The following FRMD6 variants were observed in gnomAD, a reference collection of about 807,000 sequenced individuals.
The protein encoded by FRMD6 is FERM domain-containing protein 6.
Under a neutral mutation model 73.2 loss-of-function variants are expected in FRMD6, and 37 were observed. That is an observed-to-expected ratio of 0.51 (90% CI 0.39 to 0.66). FRMD6 has a LOEUF of 0.66. FRMD6 is among the 30% of genes least tolerant of loss of function. The pLI, the probability that FRMD6 is intolerant of heterozygous loss-of-function variation, is 0.00. For missense variants in FRMD6, 714 were observed against 780.5 expected (o/e 0.91, Z 1.02); for synonymous variants, 273 against 282.2 (o/e 0.97, Z 0.33).
chr14:51,612,170 A>G (rs554752067), intron 2 of FRMD6, among the ~76,000 whole-genome samples: 1 of 152,336 alleles, frequency 6.6e-6, no homozygotes, highest in South Asian at 2.1e-4. Flanking sequence ...TAATCCTTTC[A>G]TATGTCTAAT....
chr14:51,600,469 CT>C (rs1206697839), intron 2 of FRMD6, among the ~76,000 whole-genome samples: 1 of 152,226 alleles, frequency 6.6e-6, no homozygotes, highest in African/African-American at 2.4e-5. Context: ...GAAGAGTTCA[CT>C]GTGAATATTT....
chr14:51,402,817 T>C, the FRMD6 span, among the ~76,000 whole-genome samples: 1 of 152,092 alleles, frequency 6.6e-6, no homozygotes, highest in Non-Finnish European at 1.5e-5. Context: ...TTTTTGTATT[T>C]TTAGTAGAGA....
chr14:51,506,945 T>C (rs919824713), intron 1 of FRMD6, among the ~76,000 whole-genome samples: 4 of 152,180 alleles, frequency 2.6e-5, no homozygotes. Flanking sequence ...TATACTATGA[T>C]CTCACTTAAA....
At chr14:51,469,618 G>GAA in the FRMD6 span, among the ~76,000 whole-genome samples, 91 of 96,758 alleles carry the variant, frequency 9.4e-4, no homozygotes, top group African/African-American at 2.9e-3. Context: ...ATTTCAAAAA[G>GAA]AAAAAAAAAA....
At chr14:51,524,117 A>G (rs1004777769) in intron 1 of FRMD6, among the ~76,000 whole-genome samples, 14 of 152,194 alleles carry the variant, frequency 9.2e-5, no homozygotes, top group Admixed American at 5.9e-4. Context: ...AAATATACAC[A>G]TAGATGCATG....
At chr14:51,523,455 T>A (rs2140302923) in intron 1 of FRMD6, among the ~76,000 whole-genome samples, 1 of 152,250 alleles carries the variant, frequency 6.6e-6, no homozygotes, top group East Asian at 1.9e-4. Context: ...TGAATAGAGC[T>A]GGAAAGCAAT....
intron 1 of FRMD6, among the ~76,000 whole-genome samples, chr14:51,682,421 A>G (rs1423803242): frequency 6.6e-6 from 1 of 152,106 alleles, no homozygotes; most frequent in East Asian, 1.9e-4. Flanking sequence ...GATAGGAAAC[A>G]GTGAATTAAT....
chr14:51,536,431 T>C (rs1206141243), intron 1 of FRMD6, among the ~76,000 whole-genome samples: 1 of 151,528 alleles, frequency 6.6e-6, no homozygotes, highest in East Asian at 2.0e-4. Context: ...TATTTTATTT[T>C]TTTTAGAGGA....
intron 5 of FRMD6, among the ~76,000 whole-genome samples, chr14:51,703,001 G>A (rs1462264883): frequency 2.6e-5 from 4 of 152,024 alleles, no homozygotes; most frequent in Admixed American, 2.6e-4. Context: ...GTGGGTCAGA[G>A]GCAGGAACTC....
intron 1 of FRMD6, among the ~76,000 whole-genome samples, chr14:51,499,034 A>T (rs1381072501): frequency 6.6e-6 from 1 of 152,230 alleles, no homozygotes; most frequent in Non-Finnish European, 1.5e-5. Flanking sequence ...AACAAGAAAC[A>T]GAGTTGAGCA....
At chr14:51,411,615 A>G in the FRMD6 span, among the ~76,000 whole-genome samples, 14 of 152,280 alleles carry the variant, frequency 9.2e-5, no homozygotes, top group South Asian at 2.9e-3. Flanking sequence ...GCATGCATCA[A>G]TCTATGCACC....
chr14:51,629,100 TTTC>T (rs1476505705), intron 2 of FRMD6, among the ~76,000 whole-genome samples: 1 of 152,100 alleles, frequency 6.6e-6, no homozygotes, highest in South Asian at 2.1e-4. Context: ...ATGGTCTCGA[TTTC>T]CTCCTGATCT....
intron 2 of FRMD6, among the ~76,000 whole-genome samples, chr14:51,615,390 G>T (rs1355437021): frequency 6.6e-6 from 1 of 152,170 alleles, no homozygotes; most frequent in African/African-American, 2.4e-5. Context: ...TCATGTATTA[G>T]ATTTGTTTAT....
intron 4 of FRMD6, 47 bp downstream of exon 4, chr14:51,701,206 A>G: frequency 8.4e-7 from 1 of 1,189,826 alleles, no homozygotes; most frequent in Non-Finnish European, 1.2e-6. Flanking sequence ...TTTTTAAAAA[A>G]TGTTTATTTT....
At chr14:51,404,433 G>C in the FRMD6 span, among the ~76,000 whole-genome samples, 53 of 151,978 alleles carry the variant, frequency 3.5e-4, no homozygotes, top group African/African-American at 1.2e-3. Context: ...CTGTTTTATG[G>C]GTTGAGCTTT....
chr14:51,507,345 G>T (rs1243237374), intron 1 of FRMD6, among the ~76,000 whole-genome samples: 1 of 152,046 alleles, frequency 6.6e-6, no homozygotes, highest in South Asian at 2.1e-4. Flanking sequence ...GCTAAGTGAA[G>T]ATCCAGCAGT....
rs1212274772 is a variant in FRMD6, at chr14:51,729,380, C to G, written c.*1351C>G. 2.0e-5 allele frequency: 3 copies of G among 152,532 alleles called. No homozygotes were observed. Among genetic ancestry groups the G allele is most frequent in the Non-Finnish European group, 4.4e-5 (3 of 68,022 alleles). The allele number at this position is 152,532 out of a possible 1,614,324, so 9.4% of individuals were successfully genotyped here. On this transcript the variant is annotated 3_prime_UTR_variant, in exon 14 of 14. Transcript: ENST00000344768. Reference sequence around the variant, plus strand: ...GAAAGGGCCATTTTTAAGACAGTTACCTGTTGTGCTGCTGTTACAATATAT... The same window carrying G: ...GAAAGGGCCATTTTTAAGACAGTTAGCTGTTGTGCTGCTGTTACAATATAT...
intron 1 of FRMD6, among the ~76,000 whole-genome samples, chr14:51,659,240 T>G (rs1382484954): frequency 6.6e-6 from 1 of 152,176 alleles, no homozygotes; most frequent in East Asian, 1.9e-4. Flanking sequence ...ATAATAGCTA[T>G]CCCACAGGAT....
chr14:51,558,910 A>G (rs775739962), intron 1 of FRMD6, among the ~76,000 whole-genome samples: 10 of 152,124 alleles, frequency 6.6e-5, no homozygotes, highest in African/African-American at 9.7e-5. Context: ...TCTTTGCCAA[A>G]TTTTATGACT....
Sources: gnomAD v4.1 joint callset for allele counts (sites outside exome capture counted in the v4.1 genomes callset) on GRCh38, gnomAD v4.1.1 for gene constraint, MANE v1.5 for transcripts, NCBI Gene and HGNC (gene_info 2026-07-23, HGNC 2026-07-21) for gene names.